The following USP47 variants were observed in gnomAD, a reference collection of about 807,000 sequenced individuals.
USP47 encodes ubiquitin carboxyl-terminal hydrolase 47.
In USP47, 35 loss-of-function variants were observed where a neutral mutation model predicts 165.1. The ratio of observed to expected loss-of-function variants is 0.21; its 90% CI spans 0.16 to 0.28. The LOEUF (loss-of-function observed/expected upper bound fraction) is 0.28. Ranked by LOEUF, USP47 falls within the 10% of genes least tolerant of loss-of-function variation. USP47 has a pLI of 1.00. For synonymous variants in USP47, 531 were observed against 544.5 expected (o/e 0.98, Z 0.35); for missense variants, 1,277 against 1,607.4 (o/e 0.79, Z 3.52).
Position 11,956,475 on chromosome 11 carries a change from C to T in USP47, c.*300C>T, listed in dbSNP as rs1267702102. The T allele has an allele frequency of 2.2e-5, 5 of 232,418 alleles. No homozygotes were observed. Among genetic ancestry groups the T allele is most frequent in the Non-Finnish European group, 4.2e-5 (5 of 119,360 alleles). 14.4% of individuals were successfully genotyped at this position (232,418 alleles called of 1,614,324 possible). ...AAAAGGGGACAGGGGAATGAGTAAA[C>T]TTCTTTTATTGCGGACAAATGTGCA... On this transcript the variant is annotated 3_prime_UTR_variant, in exon 28 of 28. Transcript: ENST00000527733.
intron 1 of USP47, among the ~76,000 whole-genome samples, chr11:11,877,838 TGTGTGTGTGTGTGTGTGTGTGC>T (rs1207038668): frequency 7.8e-4 from 76 of 97,086 alleles, no homozygotes; most frequent in African/African-American, 2.2e-3. Flanking sequence ...TGTGTGTGTG[TGTGTGTGTGTGTGTGTGTGTGC>T]GCGCGCGCAG....
intron 17 of USP47, among the ~76,000 whole-genome samples, chr11:11,937,970 T>A (rs1284178140): frequency 6.6e-6 from 1 of 151,966 alleles, no homozygotes; most frequent in Non-Finnish European, 1.5e-5. Flanking sequence ...ACAGTTTTTG[T>A]GTGGAATTTT....
At chr11:11,863,198 T>A (rs1849483269) in intron 1 of USP47, among the ~76,000 whole-genome samples, 1 of 152,194 alleles carries the variant, frequency 6.6e-6, no homozygotes. Flanking sequence ...AATTGACGAG[T>A]CATGGGAAAT....
At chr11:11,918,074 C>T (rs1853560468) in intron 8 of USP47, among the ~76,000 whole-genome samples, 1 of 152,006 alleles carries the variant, frequency 6.6e-6, no homozygotes, top group African/African-American at 2.4e-5. Context: ...TGGACAATAC[C>T]TTGACCAGAT....
chr11:11,917,901 G>T (rs927675025), intron 8 of USP47, among the ~76,000 whole-genome samples: 2 of 152,070 alleles, frequency 1.3e-5, no homozygotes, highest in Non-Finnish European at 2.9e-5. Flanking sequence ...GGTTCAGAAA[G>T]CAAACATTAA....
At chr11:11,849,139 G>A (rs1268319437) in intron 1 of USP47, among the ~76,000 whole-genome samples, 2 of 151,780 alleles carry the variant, frequency 1.3e-5, no homozygotes, top group African/African-American at 4.8e-5. Flanking sequence ...CTGGGCTTAA[G>A]CAATCCTCCT....
In USP47 at chr11:11,959,218, C is replaced by T. The variant is rs777570754; in HGVS notation, c.*3043C>T. The T allele has an allele frequency of 2.0e-5, 3 of 152,128 alleles. No individual in the cohort carries two copies. Among genetic ancestry groups the T allele is most frequent in the Non-Finnish European group, 2.9e-5 (2 of 68,026 alleles). The allele number at this position is 152,128 out of a possible 1,614,324, so 9.4% of individuals were successfully genotyped here. A position where few individuals can be genotyped will look rare whatever the true frequency, so the allele number is the denominator to read the frequency against. On this transcript the variant is annotated 3_prime_UTR_variant, in exon 28 of 28. Transcript: ENST00000527733. ...TTCCTCTGGATTTTATTTTGTTCAG[C>T]GTCAAGGCCCTAATTTTGCAAATGT...
rs757558852 is a variant in USP47 at position 11,933,043 on chromosome 11, A to G, written c.1691A>G (p.Asn564Ser). The stretch of plus-strand genomic sequence containing the variant: ...GATGAATACCCAGAACATATTAAAA[A>G]CTTGGTGCAGAAAGAGAGAGAGTTG... ...EVDEYPEHIK[N>S]LVQKERELEE... The change falls in exon 15 of 28, where the codon AAC (asparagine) becomes AGC (serine). Residue 564 changes from asparagine (N) to serine (S), a missense_variant. Physicochemically the swap from Asn to Ser is conservative, Grantham distance 46. Around this residue, in one of 4 missense-constraint regions of USP47, gnomAD observed 909 missense variants for 1,068.1 expected, o/e 0.85. Coordinates refer to ENST00000527733, the MANE Select transcript of USP47 (RefSeq NM_001282659.2). 1.3e-5 allele frequency: 21 copies of G among 1,613,242 alleles called. No homozygotes were observed. Among genetic ancestry groups the G allele is most frequent in the Non-Finnish European group, 1.8e-5 (21 of 1,179,592 alleles).
chr11:11,913,549 A>G (rs1415598700), intron 8 of USP47, among the ~76,000 whole-genome samples: 1 of 152,012 alleles, frequency 6.6e-6, no homozygotes, highest in African/African-American at 2.4e-5. Flanking sequence ...ACATGTGGGA[A>G]CTAAAAATAA....
At chr11:11,878,109 T>C (rs879547656) in intron 1 of USP47, among the ~76,000 whole-genome samples, 10 of 152,094 alleles carry the variant, frequency 6.6e-5, no homozygotes, top group Non-Finnish European at 1.5e-4. Flanking sequence ...TGAGGGATAA[T>C]TTTCCCACAT....
intron 8 of USP47, among the ~76,000 whole-genome samples, chr11:11,917,178 T>C (rs72857615): frequency 0.13 from 19,522 of 152,162 alleles, 1,598 homozygotes; most frequent in Middle Eastern, 0.39. Context: ...GTTGGCATCA[T>C]ATTTCAGAAG....
chr11:11,851,958 G>T (rs1326545177), intron 1 of USP47, among the ~76,000 whole-genome samples: 1 of 152,204 alleles, frequency 6.6e-6, no homozygotes, highest in African/African-American at 2.4e-5. Flanking sequence ...TACTGGTGAT[G>T]TTAACCTTGA....
Position 11,929,527 on chromosome 11 carries a change from G to C in USP47, c.1480G>C (p.Glu494Gln). 6.2e-7 allele frequency: 1 copy of C among 1,613,302 alleles called. No individual in the cohort carries two copies. Among genetic ancestry groups the C allele is most frequent in the South Asian group, 1.1e-5 (1 of 91,028 alleles). The change falls in exon 12 of 28, where the codon GAG becomes CAG. Residue 494 changes from glutamate to glutamine, a missense_variant. Coordinates refer to ENST00000527733, the MANE Select transcript of USP47 (RefSeq NM_001282659.2). ...YYACIKSFSD[E>Q]QWYSFNDQHV... ...TGCATGTATAAAGTCATTCAGTGAT[G>C]AGCAGTGGTACAGCTTCAATGATCA...
At chr11:11,894,782 G>A (rs1243853667) in intron 4 of USP47, among the ~76,000 whole-genome samples, 4 of 152,062 alleles carry the variant, frequency 2.6e-5, no homozygotes, top group Non-Finnish European at 5.9e-5. Flanking sequence ...TTTTTAAAAC[G>A]CTCTTTCTTT....
At chr11:11,930,143 G>A (rs1854553536) in intron 13 of USP47, 23 bp downstream of exon 13, 1 of 1,579,320 alleles carries the variant, frequency 6.3e-7, no homozygotes, top group African/African-American at 1.4e-5. Context: ...CTAATTTTCA[G>A]TGTTTAAAAG....
intron 1 of USP47, among the ~76,000 whole-genome samples, chr11:11,842,836 ACT>A (rs1458241364): frequency 5.3e-5 from 7 of 132,110 alleles, no homozygotes; most frequent in African/African-American, 1.8e-4. Flanking sequence ...GGAGAGCTGA[ACT>A]CTTTTTTTTT....
At chr11:11,915,744 A>G (rs1031439019) in intron 8 of USP47, among the ~76,000 whole-genome samples, 4 of 152,206 alleles carry the variant, frequency 2.6e-5, no homozygotes, top group African/African-American at 9.7e-5. Context: ...TAGTAATGTT[A>G]AAGTATATAT....
rs1848160840 is a variant in USP47, at chr11:11,842,217, C to G, written c.32C>G (p.Pro11Arg). The G allele has an allele frequency of 3.2e-6, 5 of 1,553,558 alleles. No individual in the cohort carries two copies. The highest frequency in any genetic ancestry group is 4.4e-6 in the Non-Finnish European group (5 of 1,147,676). Residue 11 changes from proline to arginine, a missense_variant, in exon 1 of 28, where the codon CCG (proline) becomes CGG (arginine). Pro to Arg is a moderately radical substitution (Grantham distance 103). Around this residue, in one of 4 missense-constraint regions of USP47, gnomAD observed 181 missense variants for 194.7 expected, o/e 0.93. Coordinates refer to ENST00000527733, the MANE Select transcript of USP47 (RefSeq NM_001282659.2). Reference protein sequence around the residue: MVPGEENQLVPKEIENAAEEP... With the variant: MVPGEENQLVRKEIENAAEEP... ...CCCGGCGAGGAGAACCAACTGGTCCCGAAAGAGGTGAGGGGCCCCAGAGGA... is the reference window on the plus strand; with the variant it reads ...CCCGGCGAGGAGAACCAACTGGTCCGGAAAGAGGTGAGGGGCCCCAGAGGA...
intron 8 of USP47, among the ~76,000 whole-genome samples, chr11:11,917,384 C>T (rs1853499969): frequency 6.6e-6 from 1 of 152,088 alleles, no homozygotes; most frequent in Admixed American, 6.6e-5. Flanking sequence ...TTAACCCAAC[C>T]AAGAGATCAC....
Sources: gnomAD v4.1 joint callset for allele counts (sites outside exome capture counted in the v4.1 genomes callset) on GRCh38, gnomAD v4.1.1 for gene constraint, gnomAD v4.1.1 regional missense constraint, MANE v1.5 for transcripts, NCBI Gene and HGNC (gene_info 2026-07-23, HGNC 2026-07-21) for gene names.